The following ELL variants were observed in gnomAD, a reference collection of about 807,000 sequenced individuals.
ELL encodes RNA polymerase II elongation factor ELL.
In ELL, 18 loss-of-function variants were observed where a neutral mutation model predicts 64.0. The observed-to-expected ratio is 0.28, with a 90% CI of 0.19 to 0.42. ELL has a LOEUF of 0.42. Ranked by LOEUF, ELL falls within the 10% of genes least tolerant of loss-of-function variation. ELL has a pLI of 1.00. For missense variants in ELL, 797 were observed against 870.4 expected (o/e 0.92, Z 1.06); for synonymous variants, 399 against 376.2 (o/e 1.06, Z -0.70).
rs1238810193 is a variant in ELL at position 18,479,729 on chromosome 19, A to AAAAAG, written c.136-6848_136-6847insCTTTT. Among the ~76,000 whole-genome samples the AAAAAG allele has an allele frequency of 3.3e-5, 5 of 151,248 alleles. No homozygotes were observed. The East Asian group carries it at 7.8e-4, about 24-fold the overall frequency. On this transcript the variant is annotated intron_variant, in intron 1 of 11. Transcript: ENST00000262809. ...ATCTCAAAAAAAAAAAAAAAAAAAA[A>AAAAAG]TCTAGGATTGTTTTAAAAACTCTCC...
At chr19:18,454,786 A>G (rs1974619208) in intron 6 of ELL, among the ~76,000 whole-genome samples, 1 of 145,678 alleles carries the variant, frequency 6.9e-6, no homozygotes, top group Non-Finnish European at 1.5e-5. Context: ...TGTTGCAGTG[A>G]GCAGAGATTG....
Position 18,466,946 on chromosome 19 carries a change from T to G in ELL, c.184-1028A>C, listed in dbSNP as rs559908505. Among the ~76,000 whole-genome samples, 69 of 152,318 alleles carry G rather than the reference T, an allele frequency of 4.5e-4. 1 individual carries two copies. Among genetic ancestry groups the G allele is most frequent in the African/African-American group, 1.6e-3 (68 of 41,564 alleles). On this transcript the variant is annotated intron_variant, in intron 2 of 11. Transcript: ENST00000262809. ...TCCTGCCCCCTCGCCCCTGCTGAGC[T>G]GCCTCATACGCCCATGGGAGGCTTT...
chr19:18,502,015 AC>A (rs1975788280), intron 1 of ELL, among the ~76,000 whole-genome samples: 1 of 152,102 alleles, frequency 6.6e-6, no homozygotes, highest in Admixed American at 6.5e-5. Context: ...ACCAGGCGTC[AC>A]CCCCAGAGGC....
At chr19:18,519,330 C>T (rs907228172) in intron 1 of ELL, among the ~76,000 whole-genome samples, 2 of 152,174 alleles carry the variant, frequency 1.3e-5, no homozygotes, top group Admixed American at 6.5e-5. Context: ...ACTCTGGCTT[C>T]TGGGTGATAG....
At chr19:18,456,900 G>A (rs1410336738) in intron 6 of ELL, among the ~76,000 whole-genome samples, 1 of 151,432 alleles carries the variant, frequency 6.6e-6, no homozygotes, top group Non-Finnish European at 1.5e-5. Context: ...TGATATACAC[G>A]AAGCCATGGT....
chr19:18,517,552 T>C (rs773597034), intron 1 of ELL, among the ~76,000 whole-genome samples: 1 of 151,118 alleles, frequency 6.6e-6, no homozygotes, highest in Non-Finnish European at 1.5e-5. Context: ...CGCCCGGCCA[T>C]CCCATGCAGG....
chr19:18,519,082 G>A (rs1207333450), intron 1 of ELL, among the ~76,000 whole-genome samples: 1 of 151,862 alleles, frequency 6.6e-6, no homozygotes, highest in Non-Finnish European at 1.5e-5. Context: ...CTAAAAATAG[G>A]CCGGGCACGG....
chr19:18,460,612 G>GT (rs1256783874), intron 5 of ELL, among the ~76,000 whole-genome samples: 2 of 152,210 alleles, frequency 1.3e-5, no homozygotes, highest in Non-Finnish European at 2.9e-5. Flanking sequence ...GTGGAACAGG[G>GT]TCCCACCAGC....
At chr19:18,453,144 G>T (rs1974574173) in intron 6 of ELL, among the ~76,000 whole-genome samples, 1 of 152,150 alleles carries the variant, frequency 6.6e-6, no homozygotes, top group African/African-American at 2.4e-5. Context: ...CATGGTGGTG[G>T]GCACCTGTAA....
At chr19:18,447,632 G>C (rs1974442345) in intron 8 of ELL, among the ~76,000 whole-genome samples, 1 of 152,214 alleles carries the variant, frequency 6.6e-6, no homozygotes, top group Admixed American at 6.5e-5. Context: ...ACCCCTGAGG[G>C]TCTGGAAATC....
intron 1 of ELL, among the ~76,000 whole-genome samples, chr19:18,498,656 C>T (rs1444180226): frequency 6.6e-6 from 1 of 152,190 alleles, no homozygotes; most frequent in Non-Finnish European, 1.5e-5. Context: ...GGTAGACAGG[C>T]TGGGTTAAGA....
intron 1 of ELL, among the ~76,000 whole-genome samples, chr19:18,518,723 G>A (rs577351121): frequency 5.3e-5 from 8 of 151,454 alleles, no homozygotes; most frequent in Admixed American, 3.3e-4. Context: ...CCCGGGAGGC[G>A]GAGGTTGCAG....
intron 1 of ELL, among the ~76,000 whole-genome samples, chr19:18,486,158 G>A (rs1362027521): frequency 3.3e-5 from 5 of 152,154 alleles, no homozygotes. Context: ...CTGCCCTGCA[G>A]AGGGGGCTCC....
intron 11 of ELL, 27 bp from the exon 12 acceptor site, chr19:18,444,895 G>A (rs1252941584): frequency 6.3e-7 from 1 of 1,597,116 alleles, no homozygotes; most frequent in Non-Finnish European, 8.5e-7. Flanking sequence ...TCATGCTCAG[G>A]ACAGAGCCGC....
intron 2 of ELL, among the ~76,000 whole-genome samples, chr19:18,468,291 C>T (rs1028038299): frequency 3.3e-5 from 5 of 152,074 alleles, no homozygotes; most frequent in African/African-American, 1.2e-4. Flanking sequence ...ACACAAACAA[C>T]CACACACGCC....
At chr19:18,454,356 G>A (rs887314353) in intron 6 of ELL, among the ~76,000 whole-genome samples, 4 of 152,052 alleles carry the variant, frequency 2.6e-5, no homozygotes, top group South Asian at 2.1e-4. Context: ...AAAATTAGCC[G>A]GGCATGGTGG....
chr19:18,500,322 C>A (rs1347842694), intron 1 of ELL, among the ~76,000 whole-genome samples: 10 of 151,952 alleles, frequency 6.6e-5, no homozygotes, highest in African/African-American at 2.4e-4. Flanking sequence ...CTTCCTCACT[C>A]CTGAGACAGG....
At chr19:18,504,636 G>C (rs1170834181) in intron 1 of ELL, among the ~76,000 whole-genome samples, 1 of 152,094 alleles carries the variant, frequency 6.6e-6, no homozygotes, top group Non-Finnish European at 1.5e-5. Flanking sequence ...TGGATCAACG[G>C]GTTAATAAGT....
intron 2 of ELL, among the ~76,000 whole-genome samples, chr19:18,471,708 G>A (rs2042718743): frequency 6.6e-6 from 1 of 152,216 alleles, no homozygotes; most frequent in African/African-American, 2.4e-5. Context: ...ATATCGGGTA[G>A]GTTAGGGGAG....
Sources: allele counts gnomAD v4.1 joint callset (sites outside exome capture counted in the v4.1 genomes callset), GRCh38; gene constraint gnomAD v4.1.1; transcripts MANE v1.5; gene names NCBI Gene and HGNC (gene_info 2026-07-23, HGNC 2026-07-21).